Variants in PCDH15 observed in about 807,000 individuals in gnomAD.
The protein encoded by PCDH15 is protocadherin related 15, also known as protocadherin-15.
In PCDH15, 129 loss-of-function variants were observed where a neutral mutation model predicts 178.5. The observed-to-expected ratio is 0.72, with a 90% CI of 0.63 to 0.84. The LOEUF (loss-of-function observed/expected upper bound fraction) is 0.84. Ranked by LOEUF, PCDH15 falls within the 40% of genes least tolerant of loss-of-function variation. The probability of loss-of-function intolerance (pLI) is 0.00; values close to 1 mark genes in which losing one functional copy is unlikely to be tolerated. For synonymous variants in PCDH15, 800 were observed against 732.0 expected, an observed-to-expected ratio of 1.09 and a Z score of -1.50; for missense variants, 2,230 against 2,099.9, an observed-to-expected ratio of 1.06 and a Z score of -1.21.
intron 2 of PCDH15, among the ~76,000 whole-genome samples, chr10:55,014,194 C>T (rs1444809203): frequency 3.3e-5 from 5 of 151,922 alleles, no homozygotes; most frequent in Admixed American, 6.6e-5. Flanking sequence ...AGGAATACAC[C>T]TTGAAATTTT....
intron 2 of PCDH15, among the ~76,000 whole-genome samples, chr10:55,082,359 A>G (rs1842062454): frequency 1.3e-5 from 2 of 152,000 alleles, no homozygotes; most frequent in Non-Finnish European, 2.9e-5. Context: ...TAAAGTTTCT[A>G]CAAACAAAAA....
rs754391973 is a variant in PCDH15, at chr10:53,961,790, G to A, written c.2971C>T (p.Arg991Ter). The change falls in exon 22 of 38, where the codon CGA becomes TGA. Residue 991 changes from arginine to a stop codon, truncating the protein, a stop_gained. Transcript: ENST00000644397. LOFTEE classifies it high-confidence loss of function. ...VEEDSGRVIT[R>*]VNLNEEPTTI... ...GTAGGTTCTTCATTAAGATTGACTC[G>A]TGTTATTACTCTTCCAGAATCTTCT... The A allele has an allele frequency of 1.2e-5, 20 of 1,610,698 alleles. No homozygotes were observed. The highest frequency in any genetic ancestry group is 3.3e-5 in the South Asian group (3 of 90,648).
chr10:54,296,058 T>C (rs1736471744), intron 8 of PCDH15, among the ~76,000 whole-genome samples: 1 of 136,852 alleles, frequency 7.3e-6, no homozygotes, highest in African/African-American at 2.8e-5. Context: ...GGCAGGAGAA[T>C]GGCGTGAACC....
chr10:54,128,493 T>C (rs566994875), intron 15 of PCDH15, among the ~76,000 whole-genome samples: 3 of 152,270 alleles, frequency 2.0e-5, no homozygotes, highest in South Asian at 4.1e-4. Context: ...TAAGCAGCTA[T>C]TTGATTAGAG....
chr10:54,373,508 T>A (rs11004261), intron 4 of PCDH15, among the ~76,000 whole-genome samples: 42,579 of 151,856 alleles, frequency 0.28, 7,508 homozygotes, highest in Non-Finnish European at 0.4. Flanking sequence ...ACTGAAGATA[T>A]TACCTAAAAA....
At chr10:53,819,141 A>G (rs1463264745) in intron 33 of PCDH15, among the ~76,000 whole-genome samples, 1 of 151,996 alleles carries the variant, frequency 6.6e-6, no homozygotes, top group Non-Finnish European at 1.5e-5. Flanking sequence ...AACTTTTACC[A>G]AATTTATATT....
chr10:54,037,426 G>A (rs529209013), intron 18 of PCDH15, among the ~76,000 whole-genome samples: 4 of 151,942 alleles, frequency 2.6e-5, no homozygotes, highest in Admixed American at 6.6e-5. Context: ...AGCAGCCACC[G>A]ACAGTGAGAC....
Position 54,198,495 on chromosome 10 carries a change from C to CTTTTTTTTTTTTTTTTTTTTTTTTTTTTT in PCDH15, c.1099-2607_1099-2606insAAAAAAAAAAAAAAAAAAAAAAAAAAAAA, listed in dbSNP as rs1186240206. Among the ~76,000 whole-genome samples the CTTTTTTTTTTTTTTTTTTTTTTTTTTTTT allele has an allele frequency of 6.4e-5, 2 of 31,172 alleles. 1 individual carries two copies. Among genetic ancestry groups the CTTTTTTTTTTTTTTTTTTTTTTTTTTTTT allele is most frequent in the Non-Finnish European group, 8.8e-5 (2 of 22,748 alleles). 20.5% of individuals were successfully genotyped at this position (31,172 alleles called of 152,430 possible). A position where few individuals can be genotyped will look rare whatever the true frequency, so the allele number is the denominator to read the frequency against. On this transcript the variant is annotated intron_variant, in intron 10 of 37. Transcript: ENST00000644397. ...CATCTTTCTTTAATATCTAATTATT[C>CTTTTTTTTTTTTTTTTTTTTTTTTTTTTT]TTTTTTTTTTTTTTTTTTTTTTTTG... is the stretch of plus-strand genomic sequence containing the variant.
At chr10:54,593,699 A>G (rs1408357288) in intron 2 of PCDH15, among the ~76,000 whole-genome samples, 2 of 151,932 alleles carry the variant, frequency 1.3e-5, no homozygotes, top group Non-Finnish European at 2.9e-5. Context: ...TTTTTTTCCT[A>G]TTTCTGTAAA....
At chr10:54,046,530 A>G (rs2135565735) in intron 18 of PCDH15, among the ~76,000 whole-genome samples, 1 of 152,202 alleles carries the variant, frequency 6.6e-6, no homozygotes, top group East Asian at 1.9e-4. Flanking sequence ...ATGCACACAC[A>G]CTCTAAAATT....
chr10:55,144,956 T>A (rs1397896634), intron 2 of PCDH15, among the ~76,000 whole-genome samples: 1 of 151,886 alleles, frequency 6.6e-6, no homozygotes, highest in African/African-American at 2.4e-5. Flanking sequence ...CCATTCTTAA[T>A]AAGAGAAGAA....
chr10:54,814,091 C>A (rs1952910931), intron 3 of PCDH15, among the ~76,000 whole-genome samples: 2 of 152,152 alleles, frequency 1.3e-5, no homozygotes. Context: ...TTCCTAAAAT[C>A]TCAAATATCA....
intron 2 of PCDH15, among the ~76,000 whole-genome samples, chr10:55,011,195 CA>C (rs1180440270): frequency 6.6e-6 from 1 of 151,950 alleles, no homozygotes; most frequent in Non-Finnish European, 1.5e-5. Context: ...TATAACTACA[CA>C]TACTGAAAAA....
chr10:53,823,114 T>TTGATACTTGACTTATG (rs1554820850), intron 32 of PCDH15: 1 of 1,614,016 alleles, frequency 6.2e-7, no homozygotes, highest in Non-Finnish European at 8.5e-7. Context: ...TCTGAATTTG[T>TTGATACTTGACTTATG]TGATACTTGA....
Position 55,123,297 on chromosome 10 carries a change from T to G in PCDH15, c.-80+43279A>C, listed in dbSNP as rs193127852. On this transcript the variant is annotated intron_variant, in intron 2 of 5. Coordinates refer to the PCDH15 transcript ENST00000458638. ...ATAATAATTTACATACATTCATTTC[T>G]CTCAACATTTCATTTTTTAAAGATA... Among the ~76,000 whole-genome samples, 21 of 152,226 alleles carry G rather than the reference T, an allele frequency of 1.4e-4. No individual in the cohort carries two copies. The East Asian group carries it at 4.0e-3, about 29-fold the overall frequency.
intron 8 of PCDH15, among the ~76,000 whole-genome samples, chr10:54,253,605 A>G (rs1272335677): frequency 6.6e-6 from 1 of 152,124 alleles, no homozygotes; most frequent in East Asian, 1.9e-4. Context: ...TGTCTCTGAT[A>G]TAAATTATGT....
intron 2 of PCDH15, among the ~76,000 whole-genome samples, chr10:54,539,239 T>C (rs2084925239): frequency 6.6e-6 from 1 of 152,098 alleles, no homozygotes; most frequent in Non-Finnish European, 1.5e-5. Flanking sequence ...GAGACGCTTC[T>C]CACATGTAAT....
chr10:55,576,940 A>C (rs563572962), intron 2 of PCDH15, among the ~76,000 whole-genome samples: 3 of 152,266 alleles, frequency 2.0e-5, no homozygotes, highest in African/African-American at 7.2e-5. Context: ...AAAAATTCAA[A>C]ATTGTTTAAG....
At chr10:54,513,449 A>T (rs1195562423) in intron 3 of PCDH15, among the ~76,000 whole-genome samples, 1 of 152,032 alleles carries the variant, frequency 6.6e-6, no homozygotes, top group African/African-American at 2.4e-5. Context: ...GTCTAATTTT[A>T]TATGTCTACA....
Sources: gnomAD v4.1 joint callset for allele counts (sites outside exome capture counted in the v4.1 genomes callset) on GRCh38, gnomAD v4.1.1 for gene constraint, MANE v1.5 for transcripts, NCBI Gene and HGNC (gene_info 2026-07-23, HGNC 2026-07-21) for gene names.